MYOM1: variants seen among roughly 807,000 people sequenced by gnomAD.
MYOM1 encodes the protein myomesin-1.
A neutral mutation model predicts 205.3 loss-of-function variants in MYOM1; 164 were observed. That is an observed-to-expected ratio of 0.80 (90% CI 0.70 to 0.91). MYOM1 has a LOEUF of 0.91. MYOM1 is among the 40% of genes least tolerant of loss of function. The pLI, the probability that MYOM1 is intolerant of heterozygous loss-of-function variation, is 0.00. For synonymous variants in MYOM1, 772 were observed against 789.4 expected (o/e 0.98, Z 0.37); for missense variants, 2,011 against 2,127.3 (o/e 0.95, Z 1.08).
the MYOM1 span, among the ~76,000 whole-genome samples, chr18:3,243,171 A>C: frequency 2.6e-5 from 4 of 152,284 alleles, no homozygotes; most frequent in South Asian, 6.2e-4. Flanking sequence ...CTCTAAAATT[A>C]ATTATTATAC....
chr18:3,244,130 C>T, the MYOM1 span, among the ~76,000 whole-genome samples: 1 of 152,128 alleles, frequency 6.6e-6, no homozygotes, highest in Non-Finnish European at 1.5e-5. Context: ...TGTTTCGCAG[C>T]GTCCCTGGCT....
chr18:3,078,102 C>G (rs141290958), intron 34 of MYOM1, among the ~76,000 whole-genome samples: 1 of 150,608 alleles, frequency 6.6e-6, no homozygotes, highest in Non-Finnish European at 1.5e-5. Flanking sequence ...AGTACAGTGG[C>G]GTGATCTCAA....
chr18:3,114,812 G>A (rs1454859021), intron 21 of MYOM1, among the ~76,000 whole-genome samples: 6 of 151,902 alleles, frequency 3.9e-5, no homozygotes, highest in East Asian at 1.9e-4. Flanking sequence ...CTCTCCTTAC[G>A]GAAGTTCACT....
chr18:3,145,086 G>A (rs528071588), intron 13 of MYOM1, among the ~76,000 whole-genome samples: 2 of 152,036 alleles, frequency 1.3e-5, no homozygotes, highest in African/African-American at 4.8e-5. Flanking sequence ...AGGCAGGCAG[G>A]TAACCTGAGG....
At chr18:3,113,257 T>C (rs12962285) in intron 21 of MYOM1, among the ~76,000 whole-genome samples, 87,370 of 98,616 alleles carry the variant, frequency 0.89, 39,763 homozygotes, top group East Asian at 0.98. Context: ...CATCTATGTG[T>C]GTATATGTGT....
In MYOM1 at chr18:3,067,067, C is replaced by G. The variant is rs908863097; in HGVS notation, c.*195G>C. On this transcript the variant is annotated 3_prime_UTR_variant, in exon 38 of 38. Coordinates refer to ENST00000356443, the MANE Select transcript of MYOM1 (RefSeq NM_003803.4). Reference sequence around the variant, plus strand: ...TGCTATGAATGGTATTTTCTTAACACATAATTTTGTAGATAAAGAAAAACA... The same window carrying G: ...TGCTATGAATGGTATTTTCTTAACAGATAATTTTGTAGATAAAGAAAAACA... 3.1e-5 allele frequency: 19 copies of G among 612,516 alleles called. No homozygotes were observed. In the South Asian group the frequency reaches 4.1e-4, roughly 13 times the overall value. 37.9% of individuals were successfully genotyped at this position (612,516 alleles called of 1,614,324 possible). A position where few individuals can be genotyped will look rare whatever the true frequency, so the allele number is the denominator to read the frequency against.
At chr18:3,230,866 C>A in the MYOM1 span, among the ~76,000 whole-genome samples, 1 of 152,190 alleles carries the variant, frequency 6.6e-6, no homozygotes, top group Non-Finnish European at 1.5e-5. Flanking sequence ...TTGTCCAATT[C>A]TTTGTTCATG....
the MYOM1 span, among the ~76,000 whole-genome samples, chr18:3,225,567 C>T: frequency 6.6e-6 from 1 of 152,174 alleles, no homozygotes; most frequent in African/African-American, 2.4e-5. Context: ...TTGGCCTCTT[C>T]CAGAGCCCCA....
At chr18:3,076,412 C>T (rs1370838125) in intron 34 of MYOM1, among the ~76,000 whole-genome samples, 1 of 152,124 alleles carries the variant, frequency 6.6e-6, no homozygotes, top group East Asian at 1.9e-4. Context: ...AGTAAACATC[C>T]TGAGTGTCAA....
intron 33 of MYOM1, among the ~76,000 whole-genome samples, chr18:3,081,659 C>T (rs1463127098): frequency 6.6e-6 from 1 of 152,098 alleles, no homozygotes; most frequent in Non-Finnish European, 1.5e-5. Context: ...TTAGAATGTC[C>T]TAGATGCCAC....
intron 1 of MYOM1, among the ~76,000 whole-genome samples, chr18:3,217,581 T>C: frequency 6.6e-6 from 1 of 152,016 alleles, no homozygotes; most frequent in East Asian, 1.9e-4. Flanking sequence ...AGATATACAT[T>C]TGGGAGTCAA....
At chr18:3,137,019 C>T (rs900786523) in intron 14 of MYOM1, among the ~76,000 whole-genome samples, 6 of 151,200 alleles carry the variant, frequency 4.0e-5, no homozygotes, top group African/African-American at 7.3e-5. Flanking sequence ...GGCACAATCT[C>T]GGCTCACTGC....
intron 10 of MYOM1, among the ~76,000 whole-genome samples, chr18:3,163,918 T>C (rs951903425): frequency 2.6e-4 from 40 of 151,976 alleles, no homozygotes; most frequent in Non-Finnish European, 4.7e-4. Context: ...AGTGGTGCAA[T>C]CACAGCTCAC....
chr18:3,154,064 A>G (rs2080257682), intron 11 of MYOM1, among the ~76,000 whole-genome samples: 1 of 152,162 alleles, frequency 6.6e-6, no homozygotes, highest in Admixed American at 6.5e-5. Flanking sequence ...ACTTCTTTGT[A>G]TAACTTGAAA....
intron 17 of MYOM1, among the ~76,000 whole-genome samples, chr18:3,130,318 C>T (rs979519451): frequency 6.6e-6 from 1 of 152,162 alleles, no homozygotes; most frequent in African/African-American, 2.4e-5. Context: ...GCTGGGATTA[C>T]AGGCGTGAGC....
chr18:3,112,581 T>C (rs1367727505), intron 21 of MYOM1, among the ~76,000 whole-genome samples, 169 bp from the exon 22 acceptor site: 1 of 152,210 alleles, frequency 6.6e-6, no homozygotes, highest in Admixed American at 6.5e-5. Context: ...GCAGGTGACT[T>C]TAGCTGTAGA....
At chr18:3,080,008 C>T (rs973825758) in intron 33 of MYOM1, among the ~76,000 whole-genome samples, 9 of 152,016 alleles carry the variant, frequency 5.9e-5, no homozygotes, top group Non-Finnish European at 1.0e-4. Context: ...AAATACAACC[C>T]TTTTTTGTGT....
chr18:3,103,668 G>C (rs922166099), intron 22 of MYOM1, among the ~76,000 whole-genome samples: 1 of 152,032 alleles, frequency 6.6e-6, no homozygotes, highest in Non-Finnish European at 1.5e-5. Flanking sequence ...CCTTCCAAAA[G>C]AATTGAATAT....
intron 5 of MYOM1, among the ~76,000 whole-genome samples, chr18:3,184,229 T>G: frequency 6.6e-6 from 1 of 152,152 alleles, no homozygotes; most frequent in East Asian, 1.9e-4. Context: ...TTTAAAAACA[T>G]GCCCAGGAAT....
Sources: gnomAD v4.1 joint callset for allele counts (sites outside exome capture counted in the v4.1 genomes callset) on GRCh38, gnomAD v4.1.1 for gene constraint, MANE v1.5 for transcripts, NCBI Gene and HGNC (gene_info 2026-07-23, HGNC 2026-07-21) for gene names.